GRP: variants seen among roughly 807,000 people sequenced by gnomAD.
GRP encodes gastrin-releasing peptide.
In GRP, 11 loss-of-function variants were observed where a neutral mutation model predicts 12.7. The observed-to-expected ratio is 0.87, with a 90% CI of 0.55 to 1.44. The LOEUF (loss-of-function observed/expected upper bound fraction) is 1.44, where lower values mean the gene tolerates loss of function less well. Ranked by LOEUF, GRP falls within the 40% of genes most tolerant of loss-of-function variation. The pLI, the probability that GRP is intolerant of heterozygous loss-of-function variation, is 0.00. For missense variants in GRP, 212 were observed against 185.4 expected (o/e 1.14, Z -0.83); for synonymous variants, 84 against 77.7 (o/e 1.08, Z -0.43).
chr18:59,226,290 A>G (rs991211028), intron 2 of GRP, among the ~76,000 whole-genome samples: 1 of 152,184 alleles, frequency 6.6e-6, no homozygotes, highest in Non-Finnish European at 1.5e-5. Context: ...AGGATAGGGG[A>G]AAATAATTAT....
intron 2 of GRP, among the ~76,000 whole-genome samples, chr18:59,226,989 C>CT (rs1555663382): frequency 4.8e-5 from 6 of 125,686 alleles, no homozygotes; most frequent in South Asian, 4.9e-4. Flanking sequence ...GGTTTCTTTT[C>CT]TTCCTTTCTT....
In GRP at chr18:59,221,341, G is replaced by T. The variant is rs139188287; in HGVS notation, c.139+937G>T. On this transcript the variant is annotated intron_variant, in intron 1 of 2. Transcript: ENST00000256857. ...GTGGGGTCAGGATTCCGCCCTGCGC[G>T]CACTCGCTGCTTTCGCTCAGCTGGG... Among the ~76,000 whole-genome samples, 609 of 152,342 alleles carry T rather than the reference G, an allele frequency of 4.0e-3. 3 individuals are homozygous for T. In the Middle Eastern group the frequency reaches 0.041, roughly 10 times the overall value.
At position 59,230,491 on chromosome 18, in the gene GRP, A is replaced by T. The variant is rs1568086545; in HGVS notation, c.*23A>T. Reference sequence around the variant, plus strand: ...TGATAATGATGGCCTCTCTCAAAAGAGAAAAACAAAACCCCTAAGAGACTG... The same window carrying T: ...TGATAATGATGGCCTCTCTCAAAAGTGAAAAACAAAACCCCTAAGAGACTG... On this transcript the variant is annotated 3_prime_UTR_variant, in exon 3 of 3. Transcript: ENST00000256857. 2.1e-6 allele frequency: 3 copies of T among 1,409,228 alleles called. No homozygotes were observed. The highest frequency in any genetic ancestry group is 1.2e-5 in the South Asian group (1 of 86,916). The allele number at this position is 1,409,228 out of a possible 1,614,324, so 87.3% of individuals were successfully genotyped here. A position where few individuals can be genotyped will look rare whatever the true frequency, so the allele number is the denominator to read the frequency against.
chr18:59,221,565 ATG>A (rs201366593), intron 1 of GRP, among the ~76,000 whole-genome samples: 1 of 147,764 alleles, frequency 6.8e-6, no homozygotes, highest in Non-Finnish European at 1.5e-5. Context: ...AAGAGTGTGT[ATG>A]TGTGTGTGTC....
chr18:59,223,067 T>C (rs2069861007), intron 1 of GRP, among the ~76,000 whole-genome samples: 1 of 152,240 alleles, frequency 6.6e-6, no homozygotes, highest in African/African-American at 2.4e-5. Context: ...TTCTTAGTAG[T>C]ACTCAACACT....
chr18:59,228,635 T>C (rs2069980987), intron 2 of GRP, among the ~76,000 whole-genome samples: 1 of 152,222 alleles, frequency 6.6e-6, no homozygotes, highest in East Asian at 1.9e-4. Context: ...TCAGAGCAAT[T>C]ATGCCCAGCA....
At chr18:59,227,286 A>C (rs1221752517) in intron 2 of GRP, among the ~76,000 whole-genome samples, 1 of 152,118 alleles carries the variant, frequency 6.6e-6, no homozygotes, top group African/African-American at 2.4e-5. Context: ...AAAAAACAAA[A>C]ACCAAAAACA....
At chr18:59,220,471 G>C in intron 1 of GRP, 67 bp downstream of exon 1, 1 of 1,288,874 alleles carries the variant, frequency 7.8e-7, no homozygotes, top group Non-Finnish European at 1.0e-6. Flanking sequence ...GAGGGGACCT[G>C]TCTCCCCATT....
At chr18:59,221,111 C>T (rs1300009440) in intron 1 of GRP, among the ~76,000 whole-genome samples, 1 of 152,284 alleles carries the variant, frequency 6.6e-6, no homozygotes, top group Non-Finnish European at 1.5e-5. Context: ...GCTCTCCAAG[C>T]TCATCCCGAT....
chr18:59,225,482 G>T lies in GRP; in HGVS notation c.140-10G>T. On this transcript the variant is annotated splice_polypyrimidine_tract_variant and intron_variant, in intron 1 of 2. Transcript: ENST00000256857. ...TGGCATTCTGAGTGTTTTTGTTTTT[G>T]TTTTTACAGGGCACTTAATGGGGAA... The T allele has an allele frequency of 6.3e-7, 1 of 1,594,664 alleles. No homozygotes were observed. Among genetic ancestry groups the T allele is most frequent in the Admixed American group, 1.8e-5 (1 of 55,404 alleles).
At chr18:59,219,913 G>A (rs2069799176), upstream of GRP, among the ~76,000 whole-genome samples, 1 of 152,132 alleles carries the variant, frequency 6.6e-6, no homozygotes, top group Admixed American at 6.5e-5. Context: ...GATGGAAGGC[G>A]TCGAGGACCG....
At chr18:59,221,461 A>C (rs1189411871) in intron 1 of GRP, among the ~76,000 whole-genome samples, 1 of 151,910 alleles carries the variant, frequency 6.6e-6, no homozygotes, top group African/African-American at 2.4e-5. Flanking sequence ...AGAGCGTCCA[A>C]CTTCCTCACT....
intron 1 of GRP, among the ~76,000 whole-genome samples, chr18:59,221,479 C>T (rs2069833059): frequency 6.6e-6 from 1 of 152,204 alleles, no homozygotes; most frequent in Non-Finnish European, 1.5e-5. Flanking sequence ...ACTCCCCCAC[C>T]TACCCGCCCC....
upstream of GRP, among the ~76,000 whole-genome samples, chr18:59,219,392 A>C (rs972067512): frequency 1.1e-4 from 16 of 142,152 alleles, no homozygotes; most frequent in Non-Finnish European, 2.4e-4. Context: ...AGAGGGGGAG[A>C]GAGAGACAGA....
At position 59,220,300 on chromosome 18, in the gene GRP, C is replaced by T. The variant is rs1001063414; in HGVS notation, c.35C>T (p.Ala12Val). Residue 12 changes from alanine (A) to valine (V), a missense_variant, in exon 1 of 3, where the codon GCG becomes GTG. By Grantham distance (64) the Ala-to-Val change is moderately conservative. Transcript: ENST00000256857. The part of the protein sequence containing the change: ...RGRELPLVLL[A>V]LVLCLAPRGR... ...CGTGAGCTCCCGCTGGTCCTGCTGG[C>T]GCTGGTCCTCTGCCTGGCGCCCCGG... The T allele has an allele frequency of 6.6e-7, 1 of 1,505,570 alleles. No individual in the cohort carries two copies. The highest frequency in any genetic ancestry group is 2.7e-5 in the East Asian group (1 of 36,742). 93.3% of individuals were successfully genotyped at this position (1,505,570 alleles called of 1,614,324 possible). A position where few individuals can be genotyped will look rare whatever the true frequency, so the allele number is the denominator to read the frequency against.
In GRP at chr18:59,230,420, T is replaced by G. The variant is rs1434647440; in HGVS notation, c.399T>G (p.Ala133=). 5 of 1,588,616 alleles carry G rather than the reference T, an allele frequency of 3.1e-6. No individual in the cohort carries two copies. Among genetic ancestry groups the G allele is most frequent in the Non-Finnish European group, 4.3e-6 (5 of 1,156,880 alleles). ...TTTCTTAAGTTGGTAGACTCTCTGC[T>G]CCAGGTTCTCAACGTGAAGGAAGGA... The part of the protein sequence containing the change: ...GSKGKVGRLS[A]PGSQREGRNP... The change falls in exon 3 of 3, where the codon GCT becomes GCG. Residue 133 remains alanine, a synonymous_variant. Transcript: ENST00000256857.
Position 59,225,468 on chromosome 18 carries a change from GTGTTTT to G in GRP, c.140-10_140-5del, listed in dbSNP as rs2069901359. 2 of 1,589,082 alleles carry G rather than the reference GTGTTTT, an allele frequency of 1.3e-6. No homozygotes were observed. Among genetic ancestry groups the G allele is most frequent in the Admixed American group, 3.6e-5 (2 of 55,036 alleles). On this transcript the variant is annotated intron_variant, in intron 1 of 2. Transcript: ENST00000256857. ...TTTGGTTAAATTTGTGGCATTCTGA[GTGTTTT>G]TGTTTTTGTTTTTACAGGGCACTTA...
chr18:59,225,682 G>T lies in GRP; in HGVS notation c.330G>T (p.Ser110=), dbSNP rs55796466. ...AGGCCCTGGGCAATCAGCAGCCTTC[G>T]TGGGATTCAGAGGATAGCAGCAACT... ...QPKALGNQQP[S]WDSEDSSNFK... Residue 110 remains serine (S), a synonymous_variant, in exon 2 of 3, where the codon TCG becomes TCT. Transcript: ENST00000256857. 3,309 of 1,614,034 alleles carry T rather than the reference G, an allele frequency of 2.1e-3. 7 individuals are homozygous for T. Among genetic ancestry groups the T allele is most frequent in the Non-Finnish European group, 2.5e-3 (2,999 of 1,179,944 alleles).
intron 2 of GRP, among the ~76,000 whole-genome samples, chr18:59,226,550 C>T (rs72956175): frequency 0.034 from 5,194 of 152,212 alleles, 113 homozygotes; most frequent in African/African-American, 0.065. Context: ...AAGTCTTAGA[C>T]GGAAGATTCT....
Sources: gnomAD v4.1 joint callset for allele counts (sites outside exome capture counted in the v4.1 genomes callset) on GRCh38, gnomAD v4.1.1 for gene constraint, MANE v1.5 for transcripts, NCBI Gene and HGNC (gene_info 2026-07-23, HGNC 2026-07-21) for gene names.